The following NBDY variants were observed in gnomAD, a reference collection of about 807,000 sequenced individuals.
NBDY encodes P-body dissociating protein.
chrX:56,739,185 T>C (rs1364897119), intron 2 of NBDY, among the ~76,000 whole-genome samples: 1 of 98,145 alleles, frequency 1.0e-5, no homozygotes, highest in African/African-American at 3.7e-5. Flanking sequence ...AGATTCTGTT[T>C]TGTGAAGCCT....
At chrX:56,799,277 G>A (rs1000193511) in intron 2 of NBDY, among the ~76,000 whole-genome samples, 1 of 112,815 alleles carries the variant, frequency 8.9e-6, no homozygotes, top group Non-Finnish European at 1.9e-5. Flanking sequence ...TTGTTCCCAG[G>A]GAGGATAGGG....
chrX:56,739,284 T>TTATATA (rs58094616), intron 2 of NBDY, among the ~76,000 whole-genome samples: 12 of 74,996 alleles, frequency 1.6e-4, no homozygotes, highest in Non-Finnish European at 2.2e-4. Context: ...ATATATATTT[T>TTATATA]TATATATATA....
chrX:56,759,278 C>A (rs1322477506), intron 2 of NBDY, among the ~76,000 whole-genome samples: 3 of 112,106 alleles, frequency 2.7e-5, no homozygotes, highest in Non-Finnish European at 3.8e-5. Flanking sequence ...TCCCAGTCCA[C>A]CTGTGGTGTC....
chrX:56,747,073 A>G (rs2069561585), intron 2 of NBDY, among the ~76,000 whole-genome samples: 1 of 111,840 alleles, frequency 8.9e-6, no homozygotes, highest in African/African-American at 3.2e-5. Flanking sequence ...TTTGCCTACC[A>G]CAGATTTTAT....
At chrX:56,808,430 T>G (rs1319886264) in intron 2 of NBDY, among the ~76,000 whole-genome samples, 2 of 112,326 alleles carry the variant, frequency 1.8e-5, no homozygotes, top group East Asian at 5.6e-4. Flanking sequence ...CTCCCTCAAT[T>G]TCAGAGCCTG....
chrX:56,747,175 G>T (rs755212222), intron 2 of NBDY, among the ~76,000 whole-genome samples: 6 of 111,699 alleles, frequency 5.4e-5, no homozygotes, highest in Non-Finnish European at 7.5e-5. Flanking sequence ...CTATTAAATT[G>T]AGCATGTATT....
At position 56,731,473 on chromosome X, in the gene NBDY, A is replaced by G. The variant is rs186227436; in HGVS notation, c.*30-590A>G. 3.1e-4 allele frequency among the ~76,000 whole-genome samples: 34 copies of G among 109,413 alleles called. 1 individual carries two copies. In the East Asian group the frequency reaches 9.4e-3, roughly 30 times the overall value. On this transcript the variant is annotated intron_variant, in intron 1 of 2. Coordinates refer to ENST00000374922, the MANE Select transcript of NBDY (RefSeq NM_001348129.2). ...ATAATCCCAGCTACTCGGGACGCTG[A>G]ATTAGGAGAATCGCTTGAATCCAGG...
chrX:56,783,262 T>G (rs1310177618), intron 2 of NBDY, among the ~76,000 whole-genome samples: 3 of 112,899 alleles, frequency 2.7e-5, no homozygotes, highest in Non-Finnish European at 5.6e-5. Flanking sequence ...CAGCCATGGC[T>G]TCCCCTGGCA....
chrX:56,806,288 ATG>A (rs746390208), intron 2 of NBDY, among the ~76,000 whole-genome samples: 1 of 112,058 alleles, frequency 8.9e-6, no homozygotes, highest in South Asian at 3.7e-4. Flanking sequence ...ATATGTGTGC[ATG>A]TCTCTTTAGA....
At chrX:56,734,913 C>A (rs6521511) in intron 2 of NBDY, among the ~76,000 whole-genome samples, 10,987 of 111,870 alleles carry the variant, frequency 0.098, 1,062 homozygotes, top group African/African-American at 0.3. Flanking sequence ...AAGTTGGTTT[C>A]TATCATTAGC....
At chrX:56,753,151 A>G (rs538782696) in intron 2 of NBDY, among the ~76,000 whole-genome samples, 1 of 112,415 alleles carries the variant, frequency 8.9e-6, no homozygotes, top group Admixed American at 9.4e-5. Flanking sequence ...GTTAGGCACT[A>G]TATGAGACAA....
intron 2 of NBDY, among the ~76,000 whole-genome samples, chrX:56,745,423 A>G (rs1214254032): frequency 3.6e-5 from 4 of 110,640 alleles, no homozygotes; most frequent in African/African-American, 1.3e-4. Flanking sequence ...ACATATATGT[A>G]TATATACATA....
intron 1 of NBDY, among the ~76,000 whole-genome samples, chrX:56,730,350 A>C (rs1365071102): frequency 1.9e-5 from 2 of 106,074 alleles, no homozygotes; most frequent in African/African-American, 3.4e-5. Flanking sequence ...GTCTCTACTA[A>C]AGTTACAAAA....
intron 2 of NBDY, among the ~76,000 whole-genome samples, chrX:56,785,829 T>G (rs968460422): frequency 5.4e-5 from 6 of 111,974 alleles, no homozygotes; most frequent in Non-Finnish European, 1.1e-4. Flanking sequence ...TCTGATTCTT[T>G]GTGTACTTTT....
chrX:56,747,273 T>C (rs1246091461), intron 2 of NBDY, among the ~76,000 whole-genome samples: 1 of 112,091 alleles, frequency 8.9e-6, no homozygotes, highest in Non-Finnish European at 1.9e-5. Flanking sequence ...TGGTAAGTTC[T>C]GTAGATAGAG....
chrX:56,780,998 T>C (rs1257816890), intron 2 of NBDY, among the ~76,000 whole-genome samples: 3 of 110,416 alleles, frequency 2.7e-5, no homozygotes, highest in Admixed American at 9.6e-5. Context: ...AACAAATGTG[T>C]GTCCTTTTCT....
chrX:56,743,896 C>CT lies in NBDY; in HGVS notation c.*166+11706dup, dbSNP rs1011115169. 7.4e-5 allele frequency among the ~76,000 whole-genome samples: 8 copies of CT among 108,163 alleles called. No individual in the cohort carries two copies. The East Asian group carries it at 1.4e-3, about 19-fold the overall frequency. The allele number at this position is 108,163 out of a possible 115,157, so 93.9% of individuals were successfully genotyped here. A position where few individuals can be genotyped will look rare whatever the true frequency, so the allele number is the denominator to read the frequency against. Reference sequence around the variant, plus strand: ...ATTGGTTTCTTTATTTTAAGTTTTACTTTTTTTTTATTTAGGCACTAAATA... The same window carrying CT: ...ATTGGTTTCTTTATTTTAAGTTTTACTTTTTTTTTTATTTAGGCACTAAATA... On this transcript the variant is annotated intron_variant, in intron 2 of 2. Coordinates refer to ENST00000374922, the MANE Select transcript of NBDY (RefSeq NM_001348129.2).
At chrX:56,758,321 A>G (rs1159099678) in intron 2 of NBDY, among the ~76,000 whole-genome samples, 30 of 107,461 alleles carry the variant, frequency 2.8e-4, no homozygotes, top group Admixed American at 5.9e-4. Context: ...GTCTCGAAAA[A>G]AAAAAAAAAA....
chrX:56,765,495 A>C (rs1199877988), intron 2 of NBDY, among the ~76,000 whole-genome samples: 1 of 111,474 alleles, frequency 9.0e-6, no homozygotes, highest in Admixed American at 9.5e-5. Context: ...CATCAACAAG[A>C]CGCTTCCTGG....
Sources: allele counts gnomAD v4.1 joint callset (sites outside exome capture counted in the v4.1 genomes callset), GRCh38; gene constraint gnomAD v4.1.1; transcripts MANE v1.5; gene names NCBI Gene and HGNC (gene_info 2026-07-23, HGNC 2026-07-21).